GPR160: variants seen among roughly 807,000 people sequenced by gnomAD.
GPR160 encodes the protein probable G protein-coupled receptor 160.
A neutral mutation model predicts 2.6 loss-of-function variants in GPR160; 2 were observed. The observed-to-expected ratio is 0.77, with a 90% confidence interval of 0.32 to 2.44. The LOEUF (loss-of-function observed/expected upper bound fraction) is 2.44, where lower values mean the gene tolerates loss of function less well. Among genes scored for constraint, GPR160 ranks in the 30% most tolerant of loss-of-function variants. The pLI is 0.11. For synonymous variants in GPR160, 130 were observed against 132.2 expected, an observed-to-expected ratio of 0.98 and a Z score of 0.12; for missense variants, 351 against 383.6, an observed-to-expected ratio of 0.91 and a Z score of 0.71.
chr3:170,051,741 A>C (rs1716968213), intron 2 of GPR160, among the ~76,000 whole-genome samples: 1 of 152,206 alleles, frequency 6.6e-6, no homozygotes, highest in South Asian at 2.1e-4. Flanking sequence ...TAAAAAAATA[A>C]AAAACAAATA....
intron 2 of GPR160, among the ~76,000 whole-genome samples, chr3:170,044,452 TG>T (rs1716610608): frequency 6.6e-6 from 1 of 152,232 alleles, no homozygotes; most frequent in East Asian, 1.9e-4. Flanking sequence ...TTTTCTCCCA[TG>T]CTGCCTATTT....
chr3:170,041,298 AT>A (rs764849488), intron 2 of GPR160, among the ~76,000 whole-genome samples: 34,942 of 120,764 alleles, frequency 0.29, 3,983 homozygotes, highest in East Asian at 0.5. Flanking sequence ...GGATGTAAAG[AT>A]TTTTTTTTTT....
chr3:170,059,310 A>G (rs1286652101), intron 2 of GPR160, among the ~76,000 whole-genome samples: 1 of 152,378 alleles, frequency 6.6e-6, no homozygotes, highest in Non-Finnish European at 1.5e-5. Context: ...TCAAAACACT[A>G]TATCAAATTG....
chr3:170,077,561 G>A (rs1024196580), intron 2 of GPR160: 4 of 152,176 alleles, frequency 2.6e-5, no homozygotes, highest in African/African-American at 4.8e-5. Context: ...GGACGTGTAG[G>A]AGAATTTATC....
intron 2 of GPR160, among the ~76,000 whole-genome samples, chr3:170,042,582 T>G (rs1184628229): frequency 6.7e-6 from 1 of 150,280 alleles, no homozygotes; most frequent in African/African-American, 2.4e-5. Flanking sequence ...TCCCAGCTCT[T>G]TGGGAGGCTG....
rs1712148169 is a variant in GPR160, at chr3:170,064,026, AAATAAT to A, written c.-192-15742_-192-15737del. On this transcript the variant is annotated intron_variant, in intron 2 of 3. Transcript: ENST00000355897. Reference sequence around the variant, plus strand: ...AAATGTGAACGCTGAATTTATTAAAAAATAATAATAAAACACAGGAAACAACTTACA... The same window carrying A: ...AAATGTGAACGCTGAATTTATTAAAAAATAAAACACAGGAAACAACTTACA... Among the ~76,000 whole-genome samples the A allele has an allele frequency of 3.3e-5, 5 of 152,292 alleles. No individual in the cohort carries two copies. The South Asian group carries it at 1.0e-3, about 32-fold the overall frequency.
chr3:170,044,885 C>CTA (rs1307479344), intron 2 of GPR160, among the ~76,000 whole-genome samples: 1 of 152,160 alleles, frequency 6.6e-6, no homozygotes, highest in Non-Finnish European at 1.5e-5. Context: ...GGATGAGGAG[C>CTA]TGAGGCACCC....
intron 2 of GPR160, among the ~76,000 whole-genome samples, chr3:170,048,984 G>T (rs1223284506): frequency 6.6e-6 from 1 of 152,100 alleles, no homozygotes; most frequent in Non-Finnish European, 1.5e-5. Flanking sequence ...AGTCACGGTG[G>T]GCTGGCATTA....
intron 2 of GPR160, among the ~76,000 whole-genome samples, chr3:170,076,848 T>A (rs1417056231): frequency 6.6e-6 from 1 of 151,364 alleles, no homozygotes; most frequent in Non-Finnish European, 1.5e-5. Flanking sequence ...GTTGGTTTTT[T>A]AGAAAGCTCT....
chr3:170,050,085 G>T (rs1416350402), intron 2 of GPR160, among the ~76,000 whole-genome samples: 1 of 150,238 alleles, frequency 6.7e-6, no homozygotes, highest in African/African-American at 2.5e-5. Flanking sequence ...TTGACACTGA[G>T]TTTCACTCTT....
intron 3 of GPR160, 123 bp downstream of exon 3, chr3:170,080,020 T>A (rs1713044251): frequency 6.6e-6 from 1 of 152,178 alleles, no homozygotes; most frequent in Non-Finnish European, 1.5e-5. Flanking sequence ...CTGGGCCAGA[T>A]CGTAAAGCAA....
At chr3:170,068,545 T>A (rs1417757740) in intron 2 of GPR160, among the ~76,000 whole-genome samples, 1 of 152,258 alleles carries the variant, frequency 6.6e-6, no homozygotes, top group East Asian at 1.9e-4. Context: ...GGATTGGTCC[T>A]CCATGTTTCT....
intron 2 of GPR160, among the ~76,000 whole-genome samples, chr3:170,041,010 T>C (rs1380714020): frequency 1.3e-5 from 2 of 151,966 alleles, no homozygotes; most frequent in East Asian, 3.8e-4. Context: ...TTTCTCCAGA[T>C]TTAGCCTATA....
At chr3:170,042,884 CTTTT>C (rs200374138) in intron 2 of GPR160, among the ~76,000 whole-genome samples, 2 of 124,254 alleles carry the variant, frequency 1.6e-5, no homozygotes, top group African/African-American at 3.0e-5. Flanking sequence ...TCTTCACACA[CTTTT>C]TTTTTTTTTT....
intron 2 of GPR160, among the ~76,000 whole-genome samples, chr3:170,054,504 A>G (rs551528401): frequency 3.5e-4 from 54 of 152,342 alleles, no homozygotes; most frequent in African/African-American, 1.3e-3. Flanking sequence ...TTTTAAGTGT[A>G]CAGGTCAATG....
rs147753578 is a variant in GPR160 at position 170,061,966 on chromosome 3, T to C, written c.-192-17808T>C. On this transcript the variant is annotated intron_variant, in intron 2 of 3. Transcript: ENST00000355897. ...CAGTTTGAGACCAGCCTGGGCAACATAGGGAGACCCCATCTCTATGATTTT... is the reference window on the plus strand; with the variant it reads ...CAGTTTGAGACCAGCCTGGGCAACACAGGGAGACCCCATCTCTATGATTTT... Among the ~76,000 whole-genome samples, 360 of 152,274 alleles carry C rather than the reference T, an allele frequency of 2.4e-3. 2 individuals carry two copies. The highest frequency in any genetic ancestry group is 8.4e-3 in the African/African-American group (350 of 41,562).
At chr3:170,068,377 A>G (rs1240548012) in intron 2 of GPR160, among the ~76,000 whole-genome samples, 1 of 151,908 alleles carries the variant, frequency 6.6e-6, no homozygotes, top group Non-Finnish European at 1.5e-5. Context: ...CTGGTCTCAA[A>G]CTCCTGACCT....
chr3:170,085,022 A>C lies in GPR160; in HGVS notation c.*33A>C. 2 of 1,175,966 alleles carry C rather than the reference A, an allele frequency of 1.7e-6. No homozygotes were observed. Among genetic ancestry groups the C allele is most frequent in the Non-Finnish European group, 2.4e-6 (2 of 849,218 alleles). The allele number at this position is 1,175,966 out of a possible 1,614,324, so 72.8% of individuals were successfully genotyped here. On this transcript the variant is annotated 3_prime_UTR_variant, in exon 4 of 4. Coordinates refer to ENST00000355897, the MANE Select transcript of GPR160 (RefSeq NM_014373.3). ...AATTAAAAGTTACAGCTGTCATAAG[A>C]TCATAATTTTATGAACAGAAAGAAC...
intron 2 of GPR160, among the ~76,000 whole-genome samples, chr3:170,058,615 C>T (rs1711769182): frequency 1.3e-5 from 2 of 152,164 alleles, no homozygotes; most frequent in Admixed American, 1.3e-4. Context: ...TGATGATCAG[C>T]AGTCCCTATG....
Sources: allele counts gnomAD v4.1 joint callset (sites outside exome capture counted in the v4.1 genomes callset), GRCh38; gene constraint gnomAD v4.1.1; transcripts MANE v1.5; gene names NCBI Gene and HGNC (gene_info 2026-07-23, HGNC 2026-07-21).